The following RYR2 variants were observed in gnomAD, a reference collection of about 807,000 sequenced individuals.
RYR2 encodes ryanodine receptor 2.
In RYR2, 227 loss-of-function variants were observed where a neutral mutation model predicts 601.1. That is an observed-to-expected ratio of 0.38 (90% CI 0.34 to 0.42). RYR2 has a LOEUF of 0.42. Among genes scored for constraint, RYR2 ranks in the 10% least tolerant of loss-of-function variants. RYR2 has a pLI of 1.00. For missense variants in RYR2, 4,646 were observed against 6,156.5 expected (o/e 0.75, Z 8.21); for synonymous variants, 2,223 against 2,175.1 (o/e 1.02, Z -0.61).
chr1:237,792,281 G>T lies in RYR2; in HGVS notation c.13740G>T (p.Thr4580=), dbSNP rs115854664. ...TGCGTATCTTAGCTATTCTGCACACGGTCATTTCTTTCTTCTGCATCATTG... is the reference window on the plus strand; with the variant it reads ...TGCGTATCTTAGCTATTCTGCACACTGTCATTTCTTTCTTCTGCATCATTG... ...PTLRILAILH[T]VISFFCIIGY... The change falls in exon 94 of 105, where the codon ACG becomes ACT. Residue 4580 remains threonine (T), a synonymous_variant. Coordinates refer to ENST00000366574, the MANE Select transcript of RYR2 (RefSeq NM_001035.3). 1.2e-6 allele frequency: 2 copies of T among 1,612,242 alleles called. No individual in the cohort carries two copies. The highest frequency in any genetic ancestry group is 3.3e-5 in the Admixed American group (2 of 59,912).
intron 27 of RYR2, chr1:237,555,257 A>G (rs967059701): frequency 1.3e-5 from 2 of 152,134 alleles, no homozygotes; most frequent in Admixed American, 6.5e-5. Flanking sequence ...GTGTTTTTGC[A>G]TATTTTCAAA....
At chr1:237,209,849 T>C (rs1353834852) in intron 1 of RYR2, among the ~76,000 whole-genome samples, 1 of 152,088 alleles carries the variant, frequency 6.6e-6, no homozygotes, top group African/African-American at 2.4e-5. Flanking sequence ...GAGCAAGATC[T>C]TGTCTCAAAA....
chr1:237,797,977 C>T, intron 96 of RYR2, 60 bp from the exon 97 acceptor site: 2 of 1,442,610 alleles, frequency 1.4e-6, no homozygotes, highest in Admixed American at 2.0e-5. Context: ...TTTATACACA[C>T]ATATAGATGA....
At chr1:237,685,319 C>G (rs1686287169) in intron 62 of RYR2, among the ~76,000 whole-genome samples, 1 of 152,098 alleles carries the variant, frequency 6.6e-6, no homozygotes, top group South Asian at 2.1e-4. Context: ...TCTTTGAGGA[C>G]CTTGCCTTCT....
intron 10 of RYR2, among the ~76,000 whole-genome samples, chr1:237,394,877 TG>T (rs1702682571): frequency 6.6e-6 from 1 of 152,174 alleles, no homozygotes; most frequent in Non-Finnish European, 1.5e-5. Flanking sequence ...CTCTATAGGC[TG>T]GGGAGGCCTC....
At chr1:237,717,754 T>G (rs1689382206) in intron 72 of RYR2, among the ~76,000 whole-genome samples, 1 of 152,162 alleles carries the variant, frequency 6.6e-6, no homozygotes, top group South Asian at 2.1e-4. Flanking sequence ...AGATAAGGTG[T>G]TGACTTTTAA....
At chr1:237,455,390 G>A (rs1275591355) in intron 15 of RYR2, among the ~76,000 whole-genome samples, 2 of 152,028 alleles carry the variant, frequency 1.3e-5, no homozygotes, top group African/African-American at 4.8e-5. Context: ...ACACAAAGAG[G>A]GGAACAATAA....
At chr1:237,224,752 A>G (rs79161673) in intron 1 of RYR2, among the ~76,000 whole-genome samples, 1 of 152,284 alleles carries the variant, frequency 6.6e-6, no homozygotes, top group Non-Finnish European at 1.5e-5. Context: ...CCTAGCTACT[A>G]GAGGGGCTAA....
intron 17 of RYR2, 26 bp downstream of exon 17, chr1:237,469,213 T>C: frequency 6.8e-7 from 1 of 1,464,978 alleles, no homozygotes; most frequent in South Asian, 1.2e-5. Context: ...TTTTCCTTGT[T>C]GTGATAGATC....
intron 1 of RYR2, among the ~76,000 whole-genome samples, chr1:237,178,451 TG>T (rs1678319146): frequency 6.6e-6 from 1 of 150,618 alleles, no homozygotes; most frequent in African/African-American, 2.4e-5. Context: ...TGTGTGTGTG[TG>T]TGTGTGTGTG....
chr1:237,108,282 C>G (rs968222392), intron 1 of RYR2, among the ~76,000 whole-genome samples: 7 of 151,928 alleles, frequency 4.6e-5, no homozygotes, highest in Admixed American at 3.3e-4. Context: ...TCGGAGGGGC[C>G]CAGTATATGA....
intron 1 of RYR2, among the ~76,000 whole-genome samples, chr1:237,161,667 C>T (rs1339891759): frequency 6.6e-6 from 1 of 152,054 alleles, no homozygotes; most frequent in East Asian, 1.9e-4. Context: ...ACATTCACCC[C>T]TTTACTCATT....
chr1:237,364,217 G>A, intron 4 of RYR2, 141 bp from the exon 5 acceptor site: 1 of 645,736 alleles, frequency 1.5e-6, no homozygotes, highest in Non-Finnish European at 2.5e-6. Context: ...GCGATAACAT[G>A]GTGAATGTTT....
intron 2 of RYR2, among the ~76,000 whole-genome samples, chr1:237,308,780 G>T (rs1211481970): frequency 6.6e-6 from 1 of 152,222 alleles, no homozygotes; most frequent in African/African-American, 2.4e-5. Flanking sequence ...ACCGTGGAAA[G>T]GGACCTGAGC....
chr1:237,169,793 G>A (rs1677151409), intron 1 of RYR2, among the ~76,000 whole-genome samples: 1 of 152,112 alleles, frequency 6.6e-6, no homozygotes, highest in Admixed American at 6.5e-5. Flanking sequence ...CTGTTGTATG[G>A]ATAATTCATG....
intron 1 of RYR2, among the ~76,000 whole-genome samples, chr1:237,201,688 T>A (rs982794261): frequency 6.6e-6 from 1 of 152,128 alleles, no homozygotes. Context: ...CACCACTTTC[T>A]GGGTGGAATT....
chr1:237,436,573 C>T (rs750723307), intron 12 of RYR2, among the ~76,000 whole-genome samples: 19 of 145,568 alleles, frequency 1.3e-4, no homozygotes, highest in South Asian at 1.2e-3. Flanking sequence ...TTTCTTTTCA[C>T]AGTGACCAAC....
At chr1:237,318,919 C>A (rs1007326963) in intron 2 of RYR2, among the ~76,000 whole-genome samples, 1 of 152,094 alleles carries the variant, frequency 6.6e-6, no homozygotes, top group Non-Finnish European at 1.5e-5. Flanking sequence ...TTCTTTCTCT[C>A]CTATTCTTCT....
rs573413387 is a variant in RYR2, at chr1:237,445,646, GCAGA to G, written c.1292+125_1292+128del. On this transcript the variant is annotated intron_variant, in intron 14 of 104. Coordinates refer to ENST00000366574, the MANE Select transcript of RYR2 (RefSeq NM_001035.3). ...AAATCTCATACTGTTTGGTAAGTCAGCAGAAACGTTAGGAAGTGTTAATGAGATG... is the reference window on the plus strand; with the variant it reads ...AAATCTCATACTGTTTGGTAAGTCAGAACGTTAGGAAGTGTTAATGAGATG... 239 of 1,158,722 alleles carry G rather than the reference GCAGA, an allele frequency of 2.1e-4. 1 individual carries two copies. The African/African-American group carries it at 3.3e-3, about 16-fold the overall frequency. 71.8% of individuals were successfully genotyped at this position (1,158,722 alleles called of 1,614,324 possible).
Sources: allele counts gnomAD v4.1 joint callset (sites outside exome capture counted in the v4.1 genomes callset), GRCh38; gene constraint gnomAD v4.1.1; transcripts MANE v1.5; gene names NCBI Gene and HGNC (gene_info 2026-07-23, HGNC 2026-07-21).